CNIH3: variants seen among roughly 807,000 people sequenced by gnomAD.
The protein encoded by CNIH3 is cornichon family AMPA receptor auxiliary protein 3.
A neutral mutation model predicts 24.1 loss-of-function variants in CNIH3; 14 were observed. The ratio of observed to expected loss-of-function variants is 0.58; its 90% CI spans 0.38 to 0.91. The LOEUF is 0.91. Among genes scored for constraint, CNIH3 ranks in the 40% least tolerant of loss-of-function variants. The pLI is 0.00. For synonymous variants in CNIH3, 68 were observed against 73.8 expected, an observed-to-expected ratio of 0.92 and a Z score of 0.40; for missense variants, 178 against 196.8, an observed-to-expected ratio of 0.90 and a Z score of 0.57.
exon 6 of CNIH3, chr1:224,588,450 A>G (rs533120485): frequency 3.3e-5 from 5 of 152,208 alleles, no homozygotes; most frequent in Non-Finnish European, 4.4e-5. Flanking sequence ...AGGGGCTCCA[A>G]TGATGATGTC....
intron 4 of CNIH3, among the ~76,000 whole-genome samples, chr1:224,580,340 C>T (rs1447357859): frequency 6.6e-6 from 1 of 152,202 alleles, no homozygotes; most frequent in East Asian, 1.9e-4. Context: ...AAGTATCTGA[C>T]ACAAGCCTCC....
At chr1:224,686,958 C>T (rs983937372) in intron 3 of CNIH3, among the ~76,000 whole-genome samples, 1 of 152,224 alleles carries the variant, frequency 6.6e-6, no homozygotes, top group African/African-American at 2.4e-5. Flanking sequence ...CTGCCTTTTG[C>T]CCCTTTCATT....
chr1:224,445,934 G>A (rs1259520213), intron 1 of CNIH3, among the ~76,000 whole-genome samples: 2 of 152,214 alleles, frequency 1.3e-5, no homozygotes, highest in Non-Finnish European at 2.9e-5. Flanking sequence ...TGACTGGTGT[G>A]AGGTAGGGGC....
At chr1:224,439,094 T>C (rs770111906) in intron 1 of CNIH3, among the ~76,000 whole-genome samples, 3 of 152,164 alleles carry the variant, frequency 2.0e-5, no homozygotes, top group Non-Finnish European at 2.9e-5. Flanking sequence ...CGGCTTCATA[T>C]TGGCCTTCCA....
intron 2 of CNIH3, chr1:224,529,472 G>A (rs1433231049): frequency 3.9e-5 from 6 of 152,170 alleles, no homozygotes; most frequent in Non-Finnish European, 7.3e-5. Context: ...TACCAGGCCG[G>A]GGGTTTTGAT....
At chr1:224,465,339 C>T (rs1676111134) in intron 1 of CNIH3, among the ~76,000 whole-genome samples, 1 of 152,210 alleles carries the variant, frequency 6.6e-6, no homozygotes, top group Admixed American at 6.5e-5. Flanking sequence ...GAACTCCCGA[C>T]CTCAGGTCAT....
rs1290610908 is a variant in CNIH3 at position 224,458,184 on chromosome 1, TGA to T, written n.203+23323_203+23324del. The stretch of plus-strand genomic sequence containing the variant: ...CTGGATTCACTCTGATCTCATTCAC[TGA>T]CAGTGGTGGGAGAGCCCAGAGCTGA... On this transcript the variant is annotated intron_variant and non_coding_transcript_variant, in intron 1 of 5. Transcript: ENST00000471578. The surrounding 1 kb of genome is among the most constrained non-coding windows in gnomAD (Gnocchi z 4.3). 1.3e-5 allele frequency among the ~76,000 whole-genome samples: 2 copies of T among 152,216 alleles called. No individual in the cohort carries two copies. The highest frequency in any genetic ancestry group is 4.8e-5 in the African/African-American group (2 of 41,444).
At chr1:224,698,767 G>A (rs1235340818) in intron 3 of CNIH3, among the ~76,000 whole-genome samples, 2 of 152,222 alleles carry the variant, frequency 1.3e-5, no homozygotes, top group African/African-American at 2.4e-5. Flanking sequence ...TAGAAGATGA[G>A]TAAGGGCACT....
chr1:224,592,655 T>G (rs1482366139), downstream of CNIH3, among the ~76,000 whole-genome samples: 5 of 152,212 alleles, frequency 3.3e-5, no homozygotes, highest in African/African-American at 1.2e-4. Context: ...AGAGTTATCA[T>G]GCCCAGCCCT....
At chr1:224,531,658 T>G (rs1313182991) in intron 2 of CNIH3, among the ~76,000 whole-genome samples, 3 of 152,204 alleles carry the variant, frequency 2.0e-5, no homozygotes, top group Non-Finnish European at 2.9e-5. Flanking sequence ...AATAGAAGGA[T>G]TTTTAGCAGG....
intron 1 of CNIH3, chr1:224,435,984 G>T (rs1001118365): frequency 5.9e-5 from 9 of 152,076 alleles, no homozygotes; most frequent in African/African-American, 2.2e-4. Flanking sequence ...GTAATTTTGA[G>T]GCCTTTGGAG....
At chr1:224,569,578 C>T (rs1293655169) in intron 4 of CNIH3, among the ~76,000 whole-genome samples, 1 of 152,110 alleles carries the variant, frequency 6.6e-6, no homozygotes, top group Admixed American at 6.5e-5. Flanking sequence ...ACACATGCAT[C>T]TTCATTCTTG....
At chr1:224,478,337 T>C (rs1242468503) in intron 1 of CNIH3, among the ~76,000 whole-genome samples, 1 of 152,192 alleles carries the variant, frequency 6.6e-6, no homozygotes, top group Non-Finnish European at 1.5e-5. Flanking sequence ...CTTGTAGGCA[T>C]GCTTCATTCT....
At chr1:224,446,309 G>C (rs1371009266) in intron 1 of CNIH3, among the ~76,000 whole-genome samples, 1 of 134,452 alleles carries the variant, frequency 7.4e-6, no homozygotes, top group African/African-American at 2.8e-5. Context: ...AAAACAATTT[G>C]TCAAATTTTG....
chr1:224,708,744 G>A (rs573598495), intron 3 of CNIH3, among the ~76,000 whole-genome samples: 5 of 152,188 alleles, frequency 3.3e-5, no homozygotes, highest in South Asian at 4.1e-4. Flanking sequence ...TTGTGCACAC[G>A]CATGTCTCTC....
intron 3 of CNIH3, among the ~76,000 whole-genome samples, chr1:224,556,495 T>C (rs1048298038): frequency 1.3e-5 from 2 of 152,220 alleles, no homozygotes; most frequent in Non-Finnish European, 2.9e-5. Flanking sequence ...CTGGACCCTC[T>C]AGGCCAGCAA....
intron 1 of CNIH3, among the ~76,000 whole-genome samples, chr1:224,441,113 G>A (rs1674893426): frequency 6.6e-6 from 1 of 152,178 alleles, no homozygotes; most frequent in Non-Finnish European, 1.5e-5. Flanking sequence ...ACCGTGCCCG[G>A]CCAGTATGAA....
chr1:224,645,787 A>G (rs1022857285), intron 1 of CNIH3, among the ~76,000 whole-genome samples: 7 of 152,164 alleles, frequency 4.6e-5, no homozygotes, highest in Non-Finnish European at 8.8e-5. Flanking sequence ...ACCCCATAAC[A>G]TGGAGGAATT....
At chr1:224,540,677 C>A (rs932219928), downstream of CNIH3, among the ~76,000 whole-genome samples, 18 of 152,244 alleles carry the variant, frequency 1.2e-4, no homozygotes, top group East Asian at 2.5e-3. Flanking sequence ...ACCCTGTAAG[C>A]TAGCAGAATT....
Sources: allele counts gnomAD v4.1 joint callset (sites outside exome capture counted in the v4.1 genomes callset), GRCh38; gene constraint gnomAD v4.1.1; non-coding constraint Gnocchi (gnomAD v3.1); transcripts MANE v1.5; gene names NCBI Gene and HGNC (gene_info 2026-07-23, HGNC 2026-07-21).